USP45: variants seen among roughly 807,000 people sequenced by gnomAD.
The protein encoded by USP45 is ubiquitin specific peptidase 45.
In USP45, 89 loss-of-function variants were observed where a neutral mutation model predicts 95.8. The ratio of observed to expected loss-of-function variants is 0.93; its 90% CI spans 0.78 to 1.11. The LOEUF is 1.11. Among genes scored for constraint, USP45 ranks in the 50% least tolerant of loss-of-function variants. The pLI is 0.00. For missense variants in USP45, 898 were observed against 942.5 expected (o/e 0.95, Z 0.62); for synonymous variants, 281 against 316.2 (o/e 0.89, Z 1.18).
intron 13 of USP45, among the ~76,000 whole-genome samples, chr6:99,457,331 C>T (rs993335617): frequency 1.3e-5 from 2 of 152,148 alleles, no homozygotes; most frequent in East Asian, 1.9e-4. Flanking sequence ...CTGGTTTTTG[C>T]GGCTTGTGGG....
intron 15 of USP45, among the ~76,000 whole-genome samples, chr6:99,443,152 G>A (rs552371907): frequency 3.9e-4 from 59 of 152,258 alleles, no homozygotes; most frequent in African/African-American, 1.3e-3. Context: ...GGGAAGTGGA[G>A]GTTGCAGTGA....
At chr6:99,442,287 C>T (rs747879238) in intron 15 of USP45, among the ~76,000 whole-genome samples, 13 of 152,186 alleles carry the variant, frequency 8.5e-5, no homozygotes, top group East Asian at 1.9e-4. Flanking sequence ...TTCCATTAGG[C>T]GCTCTGATAT....
intron 15 of USP45, 52 bp downstream of exon 15, chr6:99,443,513 A>G: frequency 7.9e-7 from 1 of 1,272,932 alleles, no homozygotes; most frequent in Non-Finnish European, 1.1e-6. Flanking sequence ...TATAGGACTT[A>G]ATGCTCTGTA....
rs1246570136 is a variant in USP45, at chr6:99,434,947, A to G, written c.*769T>C. The G allele has an allele frequency of 6.6e-6, 1 of 152,336 alleles. No individual in the cohort carries two copies. The highest frequency in any genetic ancestry group is 2.4e-5 in the African/African-American group (1 of 41,448). 9.4% of individuals were successfully genotyped at this position (152,336 alleles called of 1,614,324 possible). ...AGATATGTTTATGAAATGCCTCAAT[A>G]TAATTCTAGTTTTTCAAAACCTCAA... On this transcript the variant is annotated 3_prime_UTR_variant, in exon 18 of 18. Transcript: ENST00000500704.
At chr6:99,458,054 T>C (rs1279593732) in intron 13 of USP45, among the ~76,000 whole-genome samples, 1 of 152,162 alleles carries the variant, frequency 6.6e-6, no homozygotes, top group Non-Finnish European at 1.5e-5. Flanking sequence ...GGAGTCTCGC[T>C]CTGTTGCCCA....
At position 99,445,906 on chromosome 6, in the gene USP45, G is replaced by A. The variant is rs1230621897; in HGVS notation, c.1866C>T (p.Ser622=). The A allele has an allele frequency of 2.5e-6, 4 of 1,613,860 alleles. No individual in the cohort carries two copies. The Admixed American group carries it at 5.0e-5, about 20-fold the overall frequency. The change falls in exon 14 of 18, where the codon TCC becomes TCT. Residue 622 remains serine, a synonymous_variant. Coordinates refer to ENST00000500704, the MANE Select transcript of USP45 (RefSeq NM_001346022.3). Reference sequence around the variant, plus strand: ...CCATAGATGTAAACTGGTAGAGACAGGACTGAATTGAACATTCTTTAGAAG... The same window carrying A: ...CCATAGATGTAAACTGGTAGAGACAAGACTGAATTGAACATTCTTTAGAAG... ...ITTSKECSIQ[S]CLYQFTSMEL...
chr6:99,499,814 G>T (rs1797018860), intron 5 of USP45, among the ~76,000 whole-genome samples: 1 of 152,196 alleles, frequency 6.6e-6, no homozygotes, highest in Non-Finnish European at 1.5e-5. Context: ...GCTCATCCAT[G>T]ATTCCTTTTT....
chr6:99,437,082 C>T (rs947972786), intron 17 of USP45, among the ~76,000 whole-genome samples, 164 bp downstream of exon 17: 1 of 150,250 alleles, frequency 6.7e-6, no homozygotes, highest in Non-Finnish European at 1.5e-5. Context: ...GCTTGGATGA[C>T]TGAGACTCTG....
At chr6:99,480,658 C>T (rs1208590508) in intron 8 of USP45, among the ~76,000 whole-genome samples, 4 of 150,974 alleles carry the variant, frequency 2.6e-5, no homozygotes, top group Non-Finnish European at 3.0e-5. Context: ...GAGCGAAACT[C>T]CGTCTCAAAA....
rs370641021 is a variant in USP45, at chr6:99,445,899, A to G, written c.1873T>C (p.Tyr625His). The change falls in exon 14 of 18, where the codon TAC becomes CAC. Residue 625 changes from tyrosine to histidine, a missense_variant. By Grantham distance (83) the Tyr-to-His change is moderately conservative. Transcript: ENST00000500704. ...SKECSIQSCL[Y>H]QFTSMELLMG... Reference sequence around the variant, plus strand: ...AGTAATTCCATAGATGTAAACTGGTAGAGACAGGACTGAATTGAACATTCT... The same window carrying G: ...AGTAATTCCATAGATGTAAACTGGTGGAGACAGGACTGAATTGAACATTCT... 1.4e-5 allele frequency: 22 copies of G among 1,613,806 alleles called. No homozygotes were observed. The highest frequency in any genetic ancestry group is 3.3e-5 in the Admixed American group (2 of 59,990).
chr6:99,492,117 T>A (rs78201650), intron 5 of USP45, among the ~76,000 whole-genome samples: 1,538 of 152,332 alleles, frequency 0.01, 36 homozygotes, highest in African/African-American at 0.035. Context: ...TGGGATGGCA[T>A]CCCAAAGTAA....
chr6:99,502,450 A>G (rs1236439068), intron 5 of USP45, among the ~76,000 whole-genome samples: 2 of 152,214 alleles, frequency 1.3e-5, no homozygotes, highest in Non-Finnish European at 2.9e-5. Context: ...TCAGAAATTC[A>G]GTGGTCTAGG....
At chr6:99,482,704 T>A (rs751432177) in intron 8 of USP45, 49 bp downstream of exon 8, 1 of 1,517,630 alleles carries the variant, frequency 6.6e-7, no homozygotes, top group Non-Finnish European at 8.9e-7. Flanking sequence ...ATGAATACAT[T>A]AGTATTTTGT....
chr6:99,498,559 C>T (rs1406947932), intron 5 of USP45, among the ~76,000 whole-genome samples: 2 of 152,150 alleles, frequency 1.3e-5, no homozygotes, highest in African/African-American at 4.8e-5. Flanking sequence ...TTGAGCTGAG[C>T]CTTAATGGAT....
At chr6:99,475,362 G>A (rs1790559691) in intron 9 of USP45, among the ~76,000 whole-genome samples, 1 of 146,374 alleles carries the variant, frequency 6.8e-6, no homozygotes, top group African/African-American at 2.6e-5. Context: ...CGTCACCCAG[G>A]CTGGAGTGCA....
At chr6:99,475,319 T>C (rs1378440152) in intron 9 of USP45, among the ~76,000 whole-genome samples, 1 of 756 alleles carries the variant, frequency 1.3e-3, no homozygotes, top group Non-Finnish European at 9.8e-3. Context: ...TAAGATTCCT[T>C]TTTTTTTTTT....
chr6:99,478,565 T>C (rs1583248914), intron 8 of USP45, among the ~76,000 whole-genome samples: 1 of 152,140 alleles, frequency 6.6e-6, no homozygotes, highest in East Asian at 1.9e-4. Context: ...TCTATGTTCA[T>C]CACAGTGCTA....
chr6:99,470,357 A>G (rs892779043), intron 9 of USP45, among the ~76,000 whole-genome samples: 2 of 152,188 alleles, frequency 1.3e-5, no homozygotes, highest in Admixed American at 6.5e-5. Context: ...TGTGTATGAT[A>G]TATGTTTTTT....
At chr6:99,490,543 C>T (rs909425881) in intron 5 of USP45, among the ~76,000 whole-genome samples, 10 of 151,790 alleles carry the variant, frequency 6.6e-5, no homozygotes, top group African/African-American at 2.2e-4. Context: ...GACATGCTGC[C>T]TTGCATTACT....
Sources: gnomAD v4.1 joint callset for allele counts (sites outside exome capture counted in the v4.1 genomes callset) on GRCh38, gnomAD v4.1.1 for gene constraint, MANE v1.5 for transcripts, NCBI Gene and HGNC (gene_info 2026-07-23, HGNC 2026-07-21) for gene names.